Variants in GCLM observed in about 807,000 individuals in gnomAD.
The protein encoded by GCLM is glutamate-cysteine ligase modifier subunit.
GCLM carries 15 observed loss-of-function variants against 36.0 expected under a neutral mutation model. The ratio of observed to expected loss-of-function variants is 0.42; its 90% confidence interval spans 0.28 to 0.64. The LOEUF (loss-of-function observed/expected upper bound fraction) is 0.64, where lower values mean the gene tolerates loss of function less well. GCLM is among the 30% of genes least tolerant of loss of function. GCLM has a pLI of 0.25. For synonymous variants in GCLM, 129 were observed against 122.8 expected, an observed-to-expected ratio of 1.05 and a Z score of -0.34; for missense variants, 242 against 325.5, an observed-to-expected ratio of 0.74 and a Z score of 1.97.
In GCLM at chr1:93,887,778, A is replaced by G. The variant is rs938892229; in HGVS notation, c.*1212T>C. 1 of 152,140 alleles carries G rather than the reference A, an allele frequency of 6.6e-6. No individual in the cohort carries two copies. The highest frequency in any genetic ancestry group is 2.4e-5 in the African/African-American group (1 of 41,428). The allele number at this position is 152,140 out of a possible 1,614,324, so 9.4% of individuals were successfully genotyped here. ...CCACTGCGCCCGGATGAAATACAAG[A>G]GATTTTTAAAGAAGTTTTCAAACTA... is the stretch of plus-strand genomic sequence containing the variant. On this transcript the variant is annotated 3_prime_UTR_variant, in exon 7 of 7. Coordinates refer to ENST00000370238, the MANE Select transcript of GCLM (RefSeq NM_002061.4).
intron 6 of GCLM, among the ~76,000 whole-genome samples, chr1:93,890,879 ATTT>A (rs111797625): frequency 1.5e-5 from 2 of 135,610 alleles, no homozygotes; most frequent in Non-Finnish European, 3.2e-5. Flanking sequence ...TTTCTTTTCT[ATTT>A]TTTTTTTTTT....
Position 93,897,839 on chromosome 1 carries a change from C to A in GCLM, c.337G>T (p.Ala113Ser). ...SSSTRSAVDM[A>S]CSVLGVAQLD... ...GATAAAAAATTCAGTTTTTGCTTAC[C>A]CATGTCAACTGCACTTCTAGTTGAT... The change falls in exon 4 of 7, where the codon GCC becomes TCC. Residue 113 changes from alanine to serine, a missense_variant and splice_region_variant. Ala to Ser is a moderately conservative substitution (Grantham distance 99, BLOSUM62 1). Coordinates refer to ENST00000370238, the MANE Select transcript of GCLM (RefSeq NM_002061.4). 1 of 1,533,292 alleles carries A rather than the reference C, an allele frequency of 6.5e-7. No homozygotes were observed. 95.0% of individuals were successfully genotyped at this position (1,533,292 alleles called of 1,614,324 possible). A position where few individuals can be genotyped will look rare whatever the true frequency, so the allele number is the denominator to read the frequency against.
At chr1:93,906,495 G>A (rs1156633874) in intron 1 of GCLM, among the ~76,000 whole-genome samples, 2 of 152,124 alleles carry the variant, frequency 1.3e-5, no homozygotes, top group Non-Finnish European at 2.9e-5. Context: ...CCTCAATTCA[G>A]GAAGGTAAGT....
intron 6 of GCLM, among the ~76,000 whole-genome samples, chr1:93,893,505 G>A (rs1656610526): frequency 6.6e-6 from 1 of 152,160 alleles, no homozygotes; most frequent in Non-Finnish European, 1.5e-5. Context: ...CACTGATATT[G>A]TGTCATCTTT....
At chr1:93,890,834 T>G (rs1279164925) in intron 6 of GCLM, among the ~76,000 whole-genome samples, 1 of 151,962 alleles carries the variant, frequency 6.6e-6, no homozygotes, top group Non-Finnish European at 1.5e-5. Flanking sequence ...TACCAGCAGT[T>G]GATAATTTGA....
At chr1:93,895,324 C>T (rs1656689155) in intron 5 of GCLM, among the ~76,000 whole-genome samples, 1 of 152,088 alleles carries the variant, frequency 6.6e-6, no homozygotes. Context: ...CCTGGTACTA[C>T]ACTATTAAAA....
intron 5 of GCLM, among the ~76,000 whole-genome samples, chr1:93,896,278 G>A (rs1391165711): frequency 6.6e-6 from 1 of 151,706 alleles, no homozygotes; most frequent in South Asian, 2.1e-4. Context: ...TTTTCTTTAG[G>A]TATTATTGTT....
chr1:93,893,032 A>T (rs192379404), intron 6 of GCLM, among the ~76,000 whole-genome samples: 1 of 152,386 alleles, frequency 6.6e-6, no homozygotes, highest in East Asian at 1.9e-4. Flanking sequence ...CTTGATTGTG[A>T]AAGCTCTACT....
At chr1:93,903,286 T>C (rs1035744548) in intron 2 of GCLM, among the ~76,000 whole-genome samples, 1 of 151,448 alleles carries the variant, frequency 6.6e-6, no homozygotes, top group Non-Finnish European at 1.5e-5. Context: ...AGCATTTTAT[T>C]CTTATTTATT....
Position 93,889,259 on chromosome 1 carries a change from C to T in GCLM, c.656-100G>A, listed in dbSNP as rs548979262. 7.8e-6 allele frequency: 5 copies of T among 639,694 alleles called. No homozygotes were observed. The South Asian group carries it at 1.0e-4, about 13-fold the overall frequency. The allele number at this position is 639,694 out of a possible 1,614,324, so 39.6% of individuals were successfully genotyped here. A position where few individuals can be genotyped will look rare whatever the true frequency, so the allele number is the denominator to read the frequency against. ...AGCATTTAACATAACAAAAGAAACA[C>T]CTCAACATTTAATATATAATATGCT... On this transcript the variant is annotated intron_variant, in intron 6 of 6. Coordinates refer to ENST00000370238, the MANE Select transcript of GCLM (RefSeq NM_002061.4).
chr1:93,898,818 C>G (rs554790781), intron 3 of GCLM, among the ~76,000 whole-genome samples: 1 of 152,134 alleles, frequency 6.6e-6, no homozygotes, highest in Admixed American at 6.5e-5. Context: ...GACACAGGGT[C>G]TCGATATGTT....
chr1:93,896,559 A>G, intron 5 of GCLM, 59 bp downstream of exon 5: 1 of 1,333,286 alleles, frequency 7.5e-7, no homozygotes, highest in Non-Finnish European at 1.1e-6. Flanking sequence ...AACAGTGTGC[A>G]GCAAAGACTG....
intron 3 of GCLM, among the ~76,000 whole-genome samples, chr1:93,899,904 A>C (rs1024888951): frequency 1.3e-5 from 2 of 152,210 alleles, no homozygotes; most frequent in Non-Finnish European, 2.9e-5. Flanking sequence ...CAAAAAAATA[A>C]ATGTATTCAA....
At chr1:93,906,975 A>AT (rs1657165832) in intron 1 of GCLM, among the ~76,000 whole-genome samples, 1 of 152,252 alleles carries the variant, frequency 6.6e-6, no homozygotes, top group Admixed American at 6.5e-5. Context: ...GGCAGAGGTC[A>AT]TAACATTTTT....
chr1:93,900,325 A>G (rs1228071894), intron 3 of GCLM, among the ~76,000 whole-genome samples: 3 of 151,728 alleles, frequency 2.0e-5, no homozygotes, highest in African/African-American at 7.3e-5. Flanking sequence ...TATGGGGAGA[A>G]TTTTGATACC....
Position 93,886,953 on chromosome 1 carries a change from AAAC to A in GCLM, c.*2034_*2036del, listed in dbSNP as rs1367686862. 2 of 152,072 alleles carry A rather than the reference AAAC, an allele frequency of 1.3e-5. No individual in the cohort carries two copies. The highest frequency in any genetic ancestry group is 2.9e-5 in the Non-Finnish European group (2 of 68,024). 9.4% of individuals were successfully genotyped at this position (152,072 alleles called of 1,614,324 possible). On this transcript the variant is annotated 3_prime_UTR_variant, in exon 7 of 7. Transcript: ENST00000370238. ...AGAAGGCATAAGTAGCTCAATATCT[AAAC>A]AAGTTTTCCCAGGCAAATCACATGA...
chr1:93,889,918 A>AT (rs1175898897), intron 6 of GCLM, among the ~76,000 whole-genome samples: 1 of 149,702 alleles, frequency 6.7e-6, no homozygotes, highest in African/African-American at 2.5e-5. Flanking sequence ...ATATATATAT[A>AT]TATTTTTTTT....
chr1:93,893,258 C>T (rs976817011), intron 6 of GCLM, among the ~76,000 whole-genome samples: 3 of 151,988 alleles, frequency 2.0e-5, no homozygotes, highest in Non-Finnish European at 2.9e-5. Context: ...GGCTCTATTT[C>T]CTGACAAAAA....
intron 1 of GCLM, among the ~76,000 whole-genome samples, chr1:93,905,512 T>C (rs1466193686): frequency 6.6e-6 from 1 of 152,206 alleles, no homozygotes; most frequent in Non-Finnish European, 1.5e-5. Context: ...AGGATAGACA[T>C]ATCTTGCAGA....
Sources: gnomAD v4.1 joint callset for allele counts (sites outside exome capture counted in the v4.1 genomes callset) on GRCh38, gnomAD v4.1.1 for gene constraint, MANE v1.5 for transcripts, NCBI Gene and HGNC (gene_info 2026-07-23, HGNC 2026-07-21) for gene names.